AHCYL2: variants seen among roughly 807,000 people sequenced by gnomAD.
The protein encoded by AHCYL2 is S-adenosylhomocysteine hydrolase-like protein 2.
Under a neutral mutation model 81.4 loss-of-function variants are expected in AHCYL2, and 28 were observed. The observed-to-expected ratio is 0.34, with a 90% CI of 0.25 to 0.47. The LOEUF is 0.47. Among genes scored for constraint, AHCYL2 ranks in the 20% least tolerant of loss-of-function variants. The probability of loss-of-function intolerance (pLI) is 1.00; values close to 1 mark genes in which losing one functional copy is unlikely to be tolerated. For missense variants in AHCYL2, 551 were observed against 785.1 expected (o/e 0.70, Z 3.56); for synonymous variants, 272 against 290.2 (o/e 0.94, Z 0.64).
At chr7:129,389,379 T>C (rs377149539) in intron 3 of AHCYL2, among the ~76,000 whole-genome samples, 180 bp downstream of exon 3, 1 of 112,230 alleles carries the variant, frequency 8.9e-6, no homozygotes, top group South Asian at 3.1e-4. Context: ...GAAGGAACCC[T>C]GTATTAAAAA....
At chr7:129,236,436 G>C (rs961405154) in intron 1 of AHCYL2, among the ~76,000 whole-genome samples, 1 of 151,952 alleles carries the variant, frequency 6.6e-6, no homozygotes, top group Admixed American at 6.6e-5. Context: ...CCTGACCTCA[G>C]GTGATCCGCC....
chr7:129,309,394 C>T (rs1584768883), intron 1 of AHCYL2, among the ~76,000 whole-genome samples: 5 of 151,974 alleles, frequency 3.3e-5, no homozygotes, highest in African/African-American at 1.2e-4. Context: ...TAAAAATTAG[C>T]TGGGTGTGGT....
At chr7:129,412,166 G>A (rs1796612888) in intron 11 of AHCYL2, among the ~76,000 whole-genome samples, 1 of 151,966 alleles carries the variant, frequency 6.6e-6, no homozygotes, top group Admixed American at 6.6e-5. Flanking sequence ...TGGGCAACAT[G>A]GCAAAACTCT....
rs567669757 is a variant in AHCYL2, at chr7:129,418,490, G to A, written c.1462-4350G>A. On this transcript the variant is annotated intron_variant, in intron 12 of 16. Transcript: ENST00000325006. ...GATTTTTTGTGTTTTTAGTAGAGTC[G>A]GGGTTTCACCATTTTGGCCAGGCTG... Among the ~76,000 whole-genome samples the A allele has an allele frequency of 5.9e-5, 9 of 152,088 alleles. No individual in the cohort carries two copies. The South Asian group carries it at 1.7e-3, about 28-fold the overall frequency.
chr7:129,426,363 T>C lies in AHCYL2; in HGVS notation c.1709-80T>C, dbSNP rs1797366069. On this transcript the variant is annotated intron_variant, in intron 15 of 16. Coordinates refer to ENST00000325006, the MANE Select transcript of AHCYL2 (RefSeq NM_015328.4). This position sits in a 1 kb window ranked among gnomAD's most constrained non-coding sequence, Gnocchi z 4.3. ...GGAATTAGAAGGTGTCTTTGAACTT[T>C]TTAAGGCCTAGCTTGGGGACAATAG... 1.2e-6 allele frequency: 2 copies of C among 1,609,910 alleles called. No individual in the cohort carries two copies. Among genetic ancestry groups the C allele is most frequent in the Admixed American group, 1.7e-5 (1 of 59,820 alleles).
In AHCYL2 at chr7:129,427,028, T is replaced by C. The variant is rs766499720; in HGVS notation, c.1830-11T>C. 1 of 1,610,966 alleles carries C rather than the reference T, an allele frequency of 6.2e-7. No homozygotes were observed. Among genetic ancestry groups the C allele is most frequent in the South Asian group, 1.1e-5 (1 of 90,982 alleles). ...ATAACATCACAGTCTCATCTTTCTT[T>C]TTCCCTCCAGGTATTAAGTTCCTGT... On this transcript the variant is annotated splice_polypyrimidine_tract_variant and intron_variant, in intron 16 of 16. Coordinates refer to ENST00000325006, the MANE Select transcript of AHCYL2 (RefSeq NM_015328.4). The surrounding 1 kb of genome is among the most constrained non-coding windows in gnomAD (Gnocchi z 5.5).
chr7:129,270,113 G>A (rs11771587), intron 1 of AHCYL2, among the ~76,000 whole-genome samples: 35,002 of 152,084 alleles, frequency 0.23, 5,032 homozygotes, highest in Non-Finnish European at 0.32. Flanking sequence ...AAGCCCATTA[G>A]GAGACTATTA....
chr7:129,370,495 A>C (rs113940647), intron 1 of AHCYL2, among the ~76,000 whole-genome samples: 19 of 151,826 alleles, frequency 1.3e-4, no homozygotes, highest in African/African-American at 2.4e-4. Context: ...TCAGGAGATC[A>C]AGATCATCCT....
At chr7:129,236,020 C>CTTT (rs947797821) in intron 1 of AHCYL2, among the ~76,000 whole-genome samples, 3 of 129,586 alleles carry the variant, frequency 2.3e-5, no homozygotes, top group Non-Finnish European at 5.0e-5. Context: ...CAAAGATAGC[C>CTTT]TTTTTTTTTT....
At chr7:129,358,988 C>A (rs773249449) in intron 1 of AHCYL2, among the ~76,000 whole-genome samples, 1 of 152,124 alleles carries the variant, frequency 6.6e-6, no homozygotes, top group Non-Finnish European at 1.5e-5. Context: ...CATAACCTAG[C>A]AGTTCCCCTC....
In AHCYL2 at chr7:129,406,160, G is replaced by C. The variant is rs1265073201; in HGVS notation, c.1207-218G>C. 6.6e-6 allele frequency among the ~76,000 whole-genome samples: 1 copy of C among 152,134 alleles called. No homozygotes were observed. Among genetic ancestry groups the C allele is most frequent in the Non-Finnish European group, 1.5e-5 (1 of 68,038 alleles). On this transcript the variant is annotated intron_variant, in intron 9 of 16. Coordinates refer to ENST00000325006, the MANE Select transcript of AHCYL2 (RefSeq NM_015328.4). The surrounding 1 kb of genome is among the most constrained non-coding windows in gnomAD (Gnocchi z 4.3). ...CTTGTGTTTTAATTATGAATCGTGA[G>C]TGTGGGTGTTCTTGTGCACATGAAT...
At position 129,397,278 on chromosome 7, in the gene AHCYL2, C is replaced by T. The variant is rs755673471; in HGVS notation, c.777C>T (p.Asn259=). 5 of 1,614,064 alleles carry T rather than the reference C, an allele frequency of 3.1e-6. No individual in the cohort carries two copies. In the African/African-American group the frequency reaches 4.0e-5, roughly 13 times the overall value. ...LGAQCRWAAC[N]IYSTLNEVAA... is the part of the protein sequence containing the mutation. The stretch of plus-strand genomic sequence containing the variant: ...CCCAGTGCCGATGGGCTGCCTGCAA[C>T]ATCTATTCCACTCTCAATGAAGTGG... The change falls in exon 5 of 17, where the codon AAC becomes AAT. Residue 259 remains asparagine, a synonymous_variant. Coordinates refer to ENST00000325006, the MANE Select transcript of AHCYL2 (RefSeq NM_015328.4).
chr7:129,414,110 G>A (rs570805103), intron 12 of AHCYL2, among the ~76,000 whole-genome samples: 38 of 152,284 alleles, frequency 2.5e-4, no homozygotes, highest in African/African-American at 8.7e-4. Flanking sequence ...ATAAGGGAGA[G>A]AAATCTATGG....
chr7:129,377,088 G>C (rs1032293595), intron 1 of AHCYL2, among the ~76,000 whole-genome samples: 2 of 152,222 alleles, frequency 1.3e-5, no homozygotes, highest in Non-Finnish European at 2.9e-5. Context: ...ACTTGATTGA[G>C]TGCCTAGGAT....
chr7:129,397,317 A>G lies in AHCYL2; in HGVS notation c.816A>G (p.Ala272=). ...TCAATGAAGTGGCTGCTGCTCTAGC[A>G]GAAAGTGGTAAGAGCTTATTCTCTG... ...STLNEVAAAL[A]ESGFPVFAWK... is the part of the protein sequence containing the mutation. Residue 272 remains alanine, a synonymous_variant, in exon 5 of 17, where the codon GCA becomes GCG. Coordinates refer to ENST00000325006, the MANE Select transcript of AHCYL2 (RefSeq NM_015328.4). 1 of 1,614,050 alleles carries G rather than the reference A, an allele frequency of 6.2e-7. No individual in the cohort carries two copies. Among genetic ancestry groups the G allele is most frequent in the Non-Finnish European group, 8.5e-7 (1 of 1,180,004 alleles).
intron 1 of AHCYL2, among the ~76,000 whole-genome samples, chr7:129,269,598 GTTT>G (rs1795936099): frequency 1.3e-5 from 2 of 151,464 alleles, no homozygotes; most frequent in African/African-American, 4.8e-5. Flanking sequence ...GTTTTGTTTT[GTTT>G]TGTTTTGTTT....
chr7:129,233,494 T>G (rs550218558), intron 1 of AHCYL2, among the ~76,000 whole-genome samples: 1 of 152,132 alleles, frequency 6.6e-6, no homozygotes, highest in South Asian at 2.1e-4. Flanking sequence ...TCTATTTCTT[T>G]TTCTCTTTTT....
intron 1 of AHCYL2, among the ~76,000 whole-genome samples, chr7:129,258,873 G>A (rs140857840): frequency 6.6e-6 from 1 of 152,144 alleles, no homozygotes; most frequent in African/African-American, 2.4e-5. Flanking sequence ...TAATGTAAAT[G>A]AGCCTTCTTG....
At chr7:129,256,064 A>C (rs996064845) in intron 1 of AHCYL2, among the ~76,000 whole-genome samples, 15 of 152,148 alleles carry the variant, frequency 9.9e-5, no homozygotes, top group Non-Finnish European at 1.9e-4. Context: ...CTGTGTAGAC[A>C]CATCCACTTT....
Sources: gnomAD v4.1 joint callset for allele counts (sites outside exome capture counted in the v4.1 genomes callset) on GRCh38, gnomAD v4.1.1 for gene constraint, Gnocchi (gnomAD v3.1) non-coding constraint, MANE v1.5 for transcripts, NCBI Gene and HGNC (gene_info 2026-07-23, HGNC 2026-07-21) for gene names.